Variants in NSMAF observed in about 807,000 individuals in gnomAD.
The protein encoded by NSMAF is neutral sphingomyelinase activation associated factor.
In NSMAF, 90 loss-of-function variants were observed where a neutral mutation model predicts 134.9. That is an observed-to-expected ratio of 0.67 (90% CI 0.56 to 0.79). The LOEUF (loss-of-function observed/expected upper bound fraction) is 0.79. Ranked by LOEUF, NSMAF falls within the 30% of genes least tolerant of loss-of-function variation. NSMAF has a pLI of 0.00. For synonymous variants in NSMAF, 358 were observed against 389.6 expected (o/e 0.92, Z 0.96); for missense variants, 1,010 against 1,119.0 (o/e 0.90, Z 1.39).
intron 27 of NSMAF, among the ~76,000 whole-genome samples, chr8:58,586,835 T>G (rs889459418): frequency 6.6e-6 from 1 of 152,176 alleles, no homozygotes; most frequent in Non-Finnish European, 1.5e-5. Context: ...AGAAATGAAG[T>G]ATTGCTAAAG....
intron 1 of NSMAF, among the ~76,000 whole-genome samples, chr8:58,656,206 A>T (rs1032054887): frequency 6.6e-6 from 1 of 151,684 alleles, no homozygotes; most frequent in African/African-American, 2.4e-5. Flanking sequence ...TTTATTAGAG[A>T]TTGGCCAGGC....
chr8:58,653,286 G>T lies in NSMAF; in HGVS notation c.59+6287C>A, dbSNP rs146112363. ...CCTTATTTAATCCAAAGGAAGAAGG[G>T]AAGGAAGGCAAAATAAAAGAACAAA... is the stretch of plus-strand genomic sequence containing the variant. On this transcript the variant is annotated intron_variant, in intron 1 of 30. Transcript: ENST00000038176. Among the ~76,000 whole-genome samples, 634 of 152,200 alleles carry T rather than the reference G, an allele frequency of 4.2e-3. 19 individuals are homozygous for T. The East Asian group carries it at 0.079, about 19-fold the overall frequency.
chr8:58,620,356 G>A (rs1397008768), intron 9 of NSMAF, among the ~76,000 whole-genome samples: 1 of 152,138 alleles, frequency 6.6e-6, no homozygotes, highest in Non-Finnish European at 1.5e-5. Context: ...TGGCACAACA[G>A]AAACTGCAGG....
chr8:58,647,762 T>C (rs1332760362), intron 1 of NSMAF, among the ~76,000 whole-genome samples: 1 of 152,248 alleles, frequency 6.6e-6, no homozygotes, highest in Admixed American at 6.5e-5. Flanking sequence ...CCTTGCTTCC[T>C]GTACAGCCTG....
chr8:58,609,401 G>C (rs1158425971), intron 10 of NSMAF, among the ~76,000 whole-genome samples: 2 of 152,062 alleles, frequency 1.3e-5, no homozygotes, highest in African/African-American at 4.8e-5. Context: ...ACTGAAAACA[G>C]ATCAGAAGAA....
At position 58,587,719 on chromosome 8, in the gene NSMAF, G is replaced by A; in HGVS notation, c.2212-18C>T. 1 of 1,604,086 alleles carries A rather than the reference G, an allele frequency of 6.2e-7. No individual in the cohort carries two copies. Among genetic ancestry groups the A allele is most frequent in the Non-Finnish European group, 8.5e-7 (1 of 1,173,360 alleles). ...GACCACACCTAGGATGGAACATATT[G>A]CAGAAGGTATTTTCAAACATTTAAC... On this transcript the variant is annotated intron_variant, in intron 26 of 30. Coordinates refer to ENST00000038176, the MANE Select transcript of NSMAF (RefSeq NM_003580.4).
At chr8:58,584,262 T>A in intron 30 of NSMAF, 62 bp from the exon 31 acceptor site, 7 of 1,146,816 alleles carry the variant, frequency 6.1e-6, no homozygotes, top group Non-Finnish European at 7.9e-6. Context: ...AGATAAACTT[T>A]ACTCTGATGC....
In NSMAF at chr8:58,586,749, G is replaced by A. The variant is rs775281776; in HGVS notation, c.2296-141C>T. 3.2e-4 allele frequency: 192 copies of A among 592,240 alleles called. 1 individual carries two copies. Among genetic ancestry groups the A allele is most frequent in the Non-Finnish European group, 5.3e-5 (18 of 340,732 alleles). The allele number at this position is 592,240 out of a possible 1,614,324, so 36.7% of individuals were successfully genotyped here. A position where few individuals can be genotyped will look rare whatever the true frequency, so the allele number is the denominator to read the frequency against. On this transcript the variant is annotated intron_variant, in intron 27 of 30. Coordinates refer to ENST00000038176, the MANE Select transcript of NSMAF (RefSeq NM_003580.4). ...GTATGCCGGTGTTGCTAATGCAGAT[G>A]TATTTCAACATCATCCTACGGAATA... is the stretch of plus-strand genomic sequence containing the variant.
intron 23 of NSMAF, among the ~76,000 whole-genome samples, chr8:58,591,481 CTTTTT>C (rs1018380152): frequency 1.1e-5 from 1 of 94,494 alleles, no homozygotes; most frequent in African/African-American, 5.1e-5. Context: ...AGAAACCTTC[CTTTTT>C]TTTTTTTTTT....
intron 16 of NSMAF, chr8:58,600,301 A>G (rs532349357): frequency 7.9e-6 from 3 of 379,298 alleles, no homozygotes; most frequent in Non-Finnish European, 1.4e-5. Context: ...TCCAAGGGCC[A>G]AATGGAGCAG....
At chr8:58,617,494 A>G (rs7831185) in intron 9 of NSMAF, among the ~76,000 whole-genome samples, 140,045 of 152,206 alleles carry the variant, frequency 0.92, 64,506 homozygotes, top group East Asian at 0.97. Context: ...TCAAAAAGTG[A>G]GCAAAGGATA....
intron 1 of NSMAF, chr8:58,659,143 C>A (rs1280129222): frequency 7.3e-7 from 1 of 1,373,254 alleles, no homozygotes; most frequent in African/African-American, 1.5e-5. Context: ...GTGCCTGGAC[C>A]CGATTAAGGG....
chr8:58,654,740 A>G (rs1807664489), intron 1 of NSMAF, among the ~76,000 whole-genome samples: 1 of 152,254 alleles, frequency 6.6e-6, no homozygotes, highest in Admixed American at 6.5e-5. Flanking sequence ...CTTACAAAGC[A>G]CAATTAAGAA....
chr8:58,650,327 G>C (rs543087062), intron 1 of NSMAF, among the ~76,000 whole-genome samples: 2 of 151,836 alleles, frequency 1.3e-5, no homozygotes, highest in African/African-American at 4.8e-5. Context: ...CACTCATTTG[G>C]GGCTTTAACC....
intron 19 of NSMAF, among the ~76,000 whole-genome samples, 177 bp downstream of exon 19, chr8:58,599,055 G>T (rs1806211146): frequency 6.6e-6 from 1 of 152,110 alleles, no homozygotes; most frequent in Non-Finnish European, 1.5e-5. Flanking sequence ...ATCTGATCCA[G>T]GGTCATGCAG....
At chr8:58,635,719 A>C (rs1302511154) in intron 2 of NSMAF, among the ~76,000 whole-genome samples, 173 bp from the exon 3 acceptor site, 1 of 152,244 alleles carries the variant, frequency 6.6e-6, no homozygotes, top group Non-Finnish European at 1.5e-5. Context: ...AAAACACAGA[A>C]TAGTGGTTCA....
At chr8:58,604,423 A>C (rs2129141582) in intron 12 of NSMAF, among the ~76,000 whole-genome samples, 1 of 151,780 alleles carries the variant, frequency 6.6e-6, no homozygotes, top group Admixed American at 6.6e-5. Context: ...CTAGATCATG[A>C]GACAGGAAAT....
At chr8:58,626,194 G>A (rs2129144837) in intron 6 of NSMAF, among the ~76,000 whole-genome samples, 1 of 150,156 alleles carries the variant, frequency 6.7e-6, no homozygotes, top group Non-Finnish European at 1.5e-5. Flanking sequence ...TGCCTCCTGG[G>A]TTCACACCAT....
intron 1 of NSMAF, among the ~76,000 whole-genome samples, chr8:58,645,599 T>C (rs1042908040): frequency 1.3e-5 from 2 of 151,848 alleles, no homozygotes; most frequent in African/African-American, 4.8e-5. Context: ...GCCTCTAGGA[T>C]GAAAGAACAA....
Sources: gnomAD v4.1 joint callset for allele counts (sites outside exome capture counted in the v4.1 genomes callset) on GRCh38, gnomAD v4.1.1 for gene constraint, MANE v1.5 for transcripts, NCBI Gene and HGNC (gene_info 2026-07-23, HGNC 2026-07-21) for gene names.